ATR: variants seen among roughly 807,000 people sequenced by gnomAD.
ATR encodes serine/threonine-protein kinase ATR.
Under a neutral mutation model 305.3 loss-of-function variants are expected in ATR, and 142 were observed. The ratio of observed to expected loss-of-function variants is 0.47; its 90% CI spans 0.41 to 0.53. ATR has a LOEUF of 0.53. ATR is among the 20% of genes least tolerant of loss of function. The pLI, the probability that ATR is intolerant of heterozygous loss-of-function variation, is 0.00. For missense variants in ATR, 2,135 were observed against 3,133.1 expected (o/e 0.68, Z 7.60); for synonymous variants, 1,050 against 1,068.1 (o/e 0.98, Z 0.33).
chr3:142,468,066 T>C lies in ATR; in HGVS notation c.6555A>G (p.Ser2185=). 1 of 1,612,240 alleles carries C rather than the reference T, an allele frequency of 6.2e-7. No homozygotes were observed. The highest frequency in any genetic ancestry group is 8.5e-7 in the Non-Finnish European group (1 of 1,179,210). Residue 2185 remains serine, a splice_region_variant and synonymous_variant, in exon 39 of 47, where the codon TCA becomes TCG. Coordinates refer to ENST00000350721, the MANE Select transcript of ATR (RefSeq NM_001184.4). The stretch of plus-strand genomic sequence containing the variant: ...ATCTGTTCACACGCATGGGATAAGA[T>C]GACTGTCATAAAAAAGAGTTAAATG... ...AMWMMTAVSK[S]SYPMRVNRCK...
chr3:142,549,343 A>G (rs1232178085), intron 15 of ATR, 136 bp downstream of exon 15: 1 of 595,432 alleles, frequency 1.7e-6, no homozygotes, highest in Admixed American at 3.7e-5. Context: ...AAGATTATTT[A>G]ACATAACAAC....
chr3:142,572,155 C>T (rs578117877), intron 1 of ATR, among the ~76,000 whole-genome samples: 5 of 151,606 alleles, frequency 3.3e-5, no homozygotes, highest in African/African-American at 4.9e-5. Context: ...CTGCAACCTC[C>T]GCCTCGCAGC....
chr3:142,487,031 C>T (rs375566831), intron 35 of ATR, among the ~76,000 whole-genome samples: 15 of 150,740 alleles, frequency 1.0e-4, no homozygotes, highest in African/African-American at 3.4e-4. Flanking sequence ...ACTCGGGAGG[C>T]GGAGGCAGGA....
At chr3:142,572,096 G>A (rs2035285358) in intron 1 of ATR, among the ~76,000 whole-genome samples, 1 of 148,338 alleles carries the variant, frequency 6.7e-6, no homozygotes, top group Non-Finnish European at 1.5e-5. Context: ...TTGAGACGGA[G>A]TCTCGCTCTG....
chr3:142,562,688 C>T lies in ATR; in HGVS notation c.714G>A (p.Glu238=). ...LLWQIGCVLL[E]YGSPKIKSLA... ...GGGATTTAATTTTTGGACTACCATA[C>T]TCTAGCAGAACACAACCTATCTGCC... Residue 238 remains glutamate (E), a synonymous_variant, in exon 4 of 47, where the codon GAG becomes GAA. Transcript: ENST00000350721. 6.2e-7 allele frequency: 1 copy of T among 1,614,076 alleles called. No homozygotes were observed. Among genetic ancestry groups the T allele is most frequent in the Non-Finnish European group, 8.5e-7 (1 of 1,179,964 alleles).
chr3:142,547,141 A>G lies in ATR; in HGVS notation c.3357+584T>C, dbSNP rs571832750. Among the ~76,000 whole-genome samples, 15 of 152,316 alleles carry G rather than the reference A, an allele frequency of 9.8e-5. No homozygotes were observed. In the East Asian group the frequency reaches 2.7e-3, roughly 27 times the overall value. Reference sequence around the variant, plus strand: ...TAATAATTTAATTCTGTGGATTTACATATTTTTTTAAGATAGATAAACAGT... The same window carrying G: ...TAATAATTTAATTCTGTGGATTTACGTATTTTTTTAAGATAGATAAACAGT... On this transcript the variant is annotated intron_variant, in intron 16 of 46. Coordinates refer to ENST00000350721, the MANE Select transcript of ATR (RefSeq NM_001184.4).
chr3:142,492,795 CA>C (rs2031366945), intron 35 of ATR, among the ~76,000 whole-genome samples: 1 of 152,038 alleles, frequency 6.6e-6, no homozygotes, highest in Non-Finnish European at 1.5e-5. Flanking sequence ...CTTACAACAC[CA>C]TCTATATAAA....
rs2108276394 is a variant in ATR at position 142,468,084 on chromosome 3, G to C, written c.6553-16C>G. 6.2e-7 allele frequency: 1 copy of C among 1,610,292 alleles called. No individual in the cohort carries two copies. The highest frequency in any genetic ancestry group is 8.5e-7 in the Non-Finnish European group (1 of 1,178,586). On this transcript the variant is annotated splice_polypyrimidine_tract_variant and intron_variant, in intron 38 of 46. Coordinates refer to ENST00000350721, the MANE Select transcript of ATR (RefSeq NM_001184.4). ...GATAAGATGACTGTCATAAAAAAGA[G>C]TTAAATGTCATAAAAAAGAGTTTAT... is the stretch of plus-strand genomic sequence containing the variant.
In ATR at chr3:142,496,321, T is replaced by TAC. The variant is rs2031629579; in HGVS notation, c.5898+39_5898+40insGT. On this transcript the variant is annotated intron_variant, in intron 34 of 46. Transcript: ENST00000350721. ...ATATATATATATATATATATATATA[T>TAC]ATATATATATATATATGATGACATT... The TAC allele has an allele frequency of 1.4e-5, 4 of 285,438 alleles. 1 individual carries two copies. The highest frequency in any genetic ancestry group is 2.5e-5 in the Non-Finnish European group (4 of 158,408). 17.7% of individuals were successfully genotyped at this position (285,438 alleles called of 1,614,324 possible). A position where few individuals can be genotyped will look rare whatever the true frequency, so the allele number is the denominator to read the frequency against.
In ATR at chr3:142,553,731, A is replaced by G; in HGVS notation, c.2542T>C (p.Leu848=). Residue 848 remains leucine, a synonymous_variant, in exon 12 of 47, where the codon TTA becomes CTA. Transcript: ENST00000350721. ...TGTGTATATGCTTCCTTCATTCTTA[A>G]GACAAAAAGCTAGAACAATAAAATT... ...EDGFIKELFV[L]RMKEAYTHAQ... is the part of the protein sequence containing the mutation. The G allele has an allele frequency of 6.2e-7, 1 of 1,612,420 alleles. No homozygotes were observed. The highest frequency in any genetic ancestry group is 8.5e-7 in the Non-Finnish European group (1 of 1,178,620).
intron 42 of ATR, 134 bp downstream of exon 42, chr3:142,461,806 T>C (rs1484377707): frequency 1.1e-6 from 1 of 936,722 alleles, no homozygotes; most frequent in African/African-American, 1.7e-5. Flanking sequence ...CTTAAGTGTT[T>C]CTGTATATAA....
At chr3:142,520,797 A>G (rs986309001) in intron 23 of ATR, among the ~76,000 whole-genome samples, 5 of 152,360 alleles carry the variant, frequency 3.3e-5, no homozygotes, top group African/African-American at 1.2e-4. Context: ...TCTCTATAAC[A>G]TAAAAGTGTA....
At chr3:142,512,152 C>A (rs2108370069) in intron 27 of ATR, 108 bp downstream of exon 27, 1 of 988,256 alleles carries the variant, frequency 1.0e-6, no homozygotes, top group South Asian at 1.5e-5. Context: ...AAACATGAAG[C>A]AAGGTATTTT....
intron 3 of ATR, among the ~76,000 whole-genome samples, chr3:142,565,733 T>TAAAAAAAAAAAAAAA (rs55690216): frequency 1.3e-5 from 1 of 79,324 alleles, no homozygotes; most frequent in Admixed American, 1.6e-4. Flanking sequence ...CTGTCTTATT[T>TAAAAAAAAAAAAAAA]AAAAAAAAAA....
intron 3 of ATR, among the ~76,000 whole-genome samples, chr3:142,564,421 T>C (rs1488971021): frequency 6.6e-6 from 1 of 152,206 alleles, no homozygotes; most frequent in African/African-American, 2.4e-5. Flanking sequence ...GCTATCTATG[T>C]TATGGGTTAC....
chr3:142,575,320 A>G (rs2035399457), intron 1 of ATR, among the ~76,000 whole-genome samples: 1 of 151,998 alleles, frequency 6.6e-6, no homozygotes, highest in South Asian at 2.1e-4. Context: ...CCCCATCTTC[A>G]CTAACAATAT....
intron 23 of ATR, among the ~76,000 whole-genome samples, chr3:142,520,011 C>T (rs1384569848): frequency 1.3e-5 from 2 of 152,044 alleles, no homozygotes; most frequent in African/African-American, 4.8e-5. Flanking sequence ...GCCATTTTCC[C>T]AACAACATAT....
At chr3:142,469,129 T>C (rs1000264734) in intron 38 of ATR, among the ~76,000 whole-genome samples, 3 of 152,314 alleles carry the variant, frequency 2.0e-5, no homozygotes. Flanking sequence ...ATCTTAAACA[T>C]ACTAGTTACT....
intron 5 of ATR, 108 bp downstream of exon 5, chr3:142,561,135 A>C: frequency 1.6e-6 from 2 of 1,248,214 alleles, no homozygotes; most frequent in Non-Finnish European, 2.3e-6. Context: ...ACATTTAGAA[A>C]GATGTTCTTT....
Sources: gnomAD v4.1 joint callset for allele counts (sites outside exome capture counted in the v4.1 genomes callset) on GRCh38, gnomAD v4.1.1 for gene constraint, MANE v1.5 for transcripts, NCBI Gene and HGNC (gene_info 2026-07-23, HGNC 2026-07-21) for gene names.